The following RNF214 variants were observed in gnomAD, a reference collection of about 807,000 sequenced individuals.
RNF214 encodes ring finger protein 214.
RNF214 carries 25 observed loss-of-function variants against 75.9 expected under a neutral mutation model. The ratio of observed to expected loss-of-function variants is 0.33; its 90% CI spans 0.24 to 0.46. The LOEUF (loss-of-function observed/expected upper bound fraction) is 0.46, where lower values mean the gene tolerates loss of function less well. RNF214 is among the 20% of genes least tolerant of loss of function. RNF214 has a pLI of 1.00. For missense variants in RNF214, 725 were observed against 857.5 expected (o/e 0.85, Z 1.93); for synonymous variants, 314 against 308.8 (o/e 1.02, Z -0.18).
chr11:117,265,704 C>T lies in RNF214; in HGVS notation c.960-14204C>T, dbSNP rs140154772. ...TGTTGGGATTACAGACGTGAGCCAC[C>T]GCGCCTGGCCATCTCTTAGTTTTTT... is the stretch of plus-strand genomic sequence containing the variant. On this transcript the variant is annotated intron_variant, in intron 6 of 14. Transcript: ENST00000300650. Among the ~76,000 whole-genome samples, 927 of 152,258 alleles carry T rather than the reference C, an allele frequency of 6.1e-3. 8 individuals are homozygous for T. Among genetic ancestry groups the T allele is most frequent in the African/African-American group, 0.021 (858 of 41,552 alleles).
rs540948078 is a variant in RNF214 at position 117,285,397 on chromosome 11, G to C, written c.*246G>C. 1.6e-4 allele frequency: 57 copies of C among 352,546 alleles called. No individual in the cohort carries two copies. Among genetic ancestry groups the C allele is most frequent in the Non-Finnish European group, 2.7e-4 (53 of 194,092 alleles). The allele number at this position is 352,546 out of a possible 1,614,324, so 21.8% of individuals were successfully genotyped here. On this transcript the variant is annotated 3_prime_UTR_variant, in exon 15 of 15. Transcript: ENST00000300650. ...TTTGGGGGATGCAGATTGTAGGGAA[G>C]ATGATGTTTAGTTTGGCCTTGAAAT...
Position 117,249,120 on chromosome 11 carries a change from C to T in RNF214, c.959+2172C>T, listed in dbSNP as rs115567602. On this transcript the variant is annotated intron_variant, in intron 6 of 14. Coordinates refer to ENST00000300650, the MANE Select transcript of RNF214 (RefSeq NM_207343.4). The stretch of plus-strand genomic sequence containing the variant: ...TAAATTTTTTTATAGAGATGAGAAT[C>T]TCACTCGTTGACCAGGCTAATCTCA... Among the ~76,000 whole-genome samples the T allele has an allele frequency of 2.2e-3, 340 of 152,198 alleles. 1 individual carries two copies. The highest frequency in any genetic ancestry group is 8.0e-3 in the African/African-American group (331 of 41,536).
chr11:117,237,868 G>A (rs1242042759), intron 2 of RNF214, among the ~76,000 whole-genome samples: 1 of 152,112 alleles, frequency 6.6e-6, no homozygotes, highest in African/African-American at 2.4e-5. Flanking sequence ...CTAAAAAGTG[G>A]TTCTGGTCAA....
intron 6 of RNF214, among the ~76,000 whole-genome samples, chr11:117,265,812 T>A (rs148397738): frequency 1.3e-5 from 2 of 152,330 alleles, no homozygotes; most frequent in South Asian, 4.1e-4. Context: ...TTTTGACATA[T>A]TAATTATGCA....
chr11:117,263,820 C>T (rs542726427), intron 6 of RNF214: 2 of 236,368 alleles, frequency 8.5e-6, no homozygotes, highest in Admixed American at 5.4e-5. Flanking sequence ...TATGCTTTTT[C>T]TACTCCCCTC....
At chr11:117,245,070 A>G (rs1444805685) in intron 5 of RNF214, among the ~76,000 whole-genome samples, 5 of 151,598 alleles carry the variant, frequency 3.3e-5, no homozygotes, top group Admixed American at 3.3e-4. Flanking sequence ...TGTAATCCCA[A>G]CACTTTGAGA....
At chr11:117,255,336 T>C (rs2033493023) in intron 6 of RNF214, among the ~76,000 whole-genome samples, 1 of 152,174 alleles carries the variant, frequency 6.6e-6, no homozygotes. Context: ...GCTTCTGCTA[T>C]TTCTCCATAG....
At chr11:117,258,431 T>A (rs554002226) in intron 6 of RNF214, among the ~76,000 whole-genome samples, 6 of 152,222 alleles carry the variant, frequency 3.9e-5, no homozygotes, top group African/African-American at 9.6e-5. Context: ...TCTTTTTTTT[T>A]ATCTGAGGTC....
In RNF214 at chr11:117,282,833, C is replaced by T. The variant is rs2034157255; in HGVS notation, c.1933C>T (p.Pro645Ser). 1.9e-6 allele frequency: 3 copies of T among 1,613,098 alleles called. No homozygotes were observed. The highest frequency in any genetic ancestry group is 2.7e-5 in the African/African-American group (2 of 74,998). The change falls in exon 13 of 15, where the codon CCT (proline) becomes TCT (serine). Residue 645 changes from proline (P) to serine (S), a missense_variant. This residue lies in a region of RNF214 where 363 missense variants were observed against 513.0 expected (regional missense o/e 0.71). Coordinates refer to ENST00000300650, the MANE Select transcript of RNF214 (RefSeq NM_207343.4). Reference protein sequence around the residue: ...MFLPSAQVSYPGRSSHAPATC... With the variant: ...MFLPSAQVSYSGRSSHAPATC... ...CTTGCCTTCTGCCCAAGTTTCATATCCTGGAAGGTCTTCACATGTAAGACT... is the reference window on the plus strand; with the variant it reads ...CTTGCCTTCTGCCCAAGTTTCATATTCTGGAAGGTCTTCACATGTAAGACT...
intron 3 of RNF214, 174 bp from the exon 4 acceptor site, chr11:117,239,627 G>C: frequency 1.6e-6 from 1 of 611,952 alleles, no homozygotes; most frequent in South Asian, 1.8e-5. Flanking sequence ...GATGATTAAT[G>C]CAGCGTGGAT....
chr11:117,274,123 C>T (rs1392208354), intron 6 of RNF214, among the ~76,000 whole-genome samples: 1 of 151,976 alleles, frequency 6.6e-6, no homozygotes, highest in Non-Finnish European at 1.5e-5. Context: ...TTTCGTTTCT[C>T]CCCCCTCTTC....
Position 117,262,346 on chromosome 11 carries a change from C to T in RNF214, c.959+15398C>T, listed in dbSNP as rs565656072. On this transcript the variant is annotated intron_variant, in intron 6 of 14. Coordinates refer to ENST00000300650, the MANE Select transcript of RNF214 (RefSeq NM_207343.4). The stretch of plus-strand genomic sequence containing the variant: ...TGGTGATCTGCCTGCCTCGGCCTCC[C>T]GAAGTGCTGGGATTACAGGCTTGAG... 1.2e-4 allele frequency among the ~76,000 whole-genome samples: 19 copies of T among 152,232 alleles called. No individual in the cohort carries two copies. In the South Asian group the frequency reaches 3.3e-3, roughly 27 times the overall value.
At chr11:117,275,538 C>A (rs1047518848) in intron 6 of RNF214, among the ~76,000 whole-genome samples, 23 of 152,050 alleles carry the variant, frequency 1.5e-4, no homozygotes, top group African/African-American at 5.3e-4. Context: ...TAAACTTAGT[C>A]AAAAATGAAA....
chr11:117,239,362 C>G, intron 3 of RNF214: 4 of 531,482 alleles, frequency 7.5e-6, no homozygotes, highest in Non-Finnish European at 1.0e-5. Flanking sequence ...CGTGTAGTCT[C>G]TTTCACTGAG....
At position 117,244,366 on chromosome 11, in the gene RNF214, C is replaced by A. The variant is rs924592808; in HGVS notation, c.679-79C>A. 3.4e-5 allele frequency: 42 copies of A among 1,225,828 alleles called. No individual in the cohort carries two copies. The South Asian group carries it at 5.1e-4, about 15-fold the overall frequency. The allele number at this position is 1,225,828 out of a possible 1,614,324, so 75.9% of individuals were successfully genotyped here. A position where few individuals can be genotyped will look rare whatever the true frequency, so the allele number is the denominator to read the frequency against. On this transcript the variant is annotated intron_variant, in intron 4 of 14. Coordinates refer to ENST00000300650, the MANE Select transcript of RNF214 (RefSeq NM_207343.4). Reference sequence around the variant, plus strand: ...GATAGTGCGGTCATAGAGCTCTATACAATGCCTTGGACAGGCACTGGTGAA... The same window carrying A: ...GATAGTGCGGTCATAGAGCTCTATAAAATGCCTTGGACAGGCACTGGTGAA...
chr11:117,240,507 G>A (rs1327286344), intron 4 of RNF214, among the ~76,000 whole-genome samples: 1 of 151,774 alleles, frequency 6.6e-6, no homozygotes, highest in Non-Finnish European at 1.5e-5. Flanking sequence ...GGCCAACGTG[G>A]TGAAACCCCA....
In RNF214 at chr11:117,282,229, G is replaced by T. The variant is rs1319330749; in HGVS notation, c.1671G>T (p.Lys557Asn). The change falls in exon 11 of 15, where the codon AAG becomes AAT. Residue 557 changes from lysine to asparagine, a missense_variant. This residue lies in a region of RNF214 where 363 missense variants were observed against 513.0 expected (regional missense o/e 0.71). Coordinates refer to ENST00000300650, the MANE Select transcript of RNF214 (RefSeq NM_207343.4). ...PRPQPVDKLE[K>N]ILEKLLTRFP... ...CCCAACCAGTAGACAAACTGGAGAA[G>T]ATCCTGGAGAAGCTGCTGACCCGGT... 2 of 1,606,380 alleles carry T rather than the reference G, an allele frequency of 1.2e-6. No homozygotes were observed. The highest frequency in any genetic ancestry group is 1.7e-6 in the Non-Finnish European group (2 of 1,175,730).
At chr11:117,259,648 G>A (rs952568492) in intron 6 of RNF214, among the ~76,000 whole-genome samples, 1 of 152,136 alleles carries the variant, frequency 6.6e-6, no homozygotes, top group Non-Finnish European at 1.5e-5. Flanking sequence ...TTGAATCATT[G>A]TGGTTTTAAT....
chr11:117,268,818 A>C (rs2033849341), intron 6 of RNF214, among the ~76,000 whole-genome samples: 1 of 152,186 alleles, frequency 6.6e-6, no homozygotes, highest in Non-Finnish European at 1.5e-5. Context: ...TGATTCATGA[A>C]CATGGAAGAG....
Sources: gnomAD v4.1 joint callset for allele counts (sites outside exome capture counted in the v4.1 genomes callset) on GRCh38, gnomAD v4.1.1 for gene constraint, gnomAD v4.1.1 regional missense constraint, MANE v1.5 for transcripts, NCBI Gene and HGNC (gene_info 2026-07-23, HGNC 2026-07-21) for gene names.